Variants in SNX2 observed in about 807,000 individuals in gnomAD.
SNX2 encodes sorting nexin-2.
A neutral mutation model predicts 69.9 loss-of-function variants in SNX2; 25 were observed. The observed-to-expected ratio is 0.36, with a 90% CI of 0.26 to 0.50. The LOEUF is 0.50. Ranked by LOEUF, SNX2 falls within the 20% of genes least tolerant of loss-of-function variation. SNX2 has a pLI of 0.97. For synonymous variants in SNX2, 229 were observed against 200.4 expected (o/e 1.14, Z -1.20); for missense variants, 551 against 613.3 (o/e 0.90, Z 1.07).
chr5:122,813,330 TA>T (rs1753822758), intron 7 of SNX2, among the ~76,000 whole-genome samples: 1 of 152,136 alleles, frequency 6.6e-6, no homozygotes, highest in African/African-American at 2.4e-5. Context: ...ATATATAAAC[TA>T]AAAAATGCAT....
intron 6 of SNX2, among the ~76,000 whole-genome samples, chr5:122,806,133 C>CGT (rs1753641580): frequency 1.9e-5 from 1 of 54,038 alleles, no homozygotes; most frequent in Non-Finnish European, 3.6e-5. Flanking sequence ...TATATATACA[C>CGT]ACGCGCGCGC....
chr5:122,778,975 A>G (rs1752912195), intron 1 of SNX2, among the ~76,000 whole-genome samples: 1 of 152,192 alleles, frequency 6.6e-6, no homozygotes, highest in African/African-American at 2.4e-5. Context: ...CTTCTATGGT[A>G]CCTGAGAGGC....
chr5:122,789,373 T>C (rs1561445601), intron 1 of SNX2, among the ~76,000 whole-genome samples: 1 of 152,024 alleles, frequency 6.6e-6, no homozygotes, highest in African/African-American at 2.4e-5. Context: ...TCTCCAGTTT[T>C]TTCTCTGGGA....
intron 11 of SNX2, among the ~76,000 whole-genome samples, chr5:122,823,994 G>A (rs545785092): frequency 6.6e-6 from 1 of 152,166 alleles, no homozygotes; most frequent in Admixed American, 6.5e-5. Context: ...GAGATCAGGA[G>A]ATCGAGACCA....
At position 122,799,784 on chromosome 5, in the gene SNX2, A is replaced by G. The variant is rs1753468956; in HGVS notation, c.319A>G (p.Thr107Ala). 6.2e-7 allele frequency: 1 copy of G among 1,613,482 alleles called. No individual in the cohort carries two copies. The highest frequency in any genetic ancestry group is 2.2e-5 in the East Asian group (1 of 44,876). ...TGCAGTCACACCTGTCACTCCTACT[A>G]CACTCATTGCTCCTAGAATTGAATC... is the stretch of plus-strand genomic sequence containing the variant. The part of the protein sequence containing the change: ...SPAVTPVTPT[T>A]LIAPRIESKS... The change falls in exon 3 of 15, where the codon ACA (threonine) becomes GCA (alanine). Residue 107 changes from threonine to alanine, a missense_variant. Thr to Ala is a moderately conservative substitution (Grantham distance 58). Coordinates refer to ENST00000379516, the MANE Select transcript of SNX2 (RefSeq NM_003100.4).
chr5:122,775,102 A>G lies in SNX2; in HGVS notation c.-2A>G. ...CTCGCGCAGTCGTTCGGGTGAGCGA[A>G]GATGGCGGCCGAGAGGGAACCTCCT... On this transcript the variant is annotated 5_prime_UTR_variant, in exon 1 of 15. Coordinates refer to ENST00000379516, the MANE Select transcript of SNX2 (RefSeq NM_003100.4). The G allele has an allele frequency of 1.3e-6, 2 of 1,583,756 alleles. No homozygotes were observed. The highest frequency in any genetic ancestry group is 1.9e-5 in the Admixed American group (1 of 53,438).
intron 7 of SNX2, among the ~76,000 whole-genome samples, chr5:122,814,185 G>A (rs1440283932): frequency 6.6e-6 from 1 of 152,160 alleles, no homozygotes; most frequent in Non-Finnish European, 1.5e-5. Flanking sequence ...AGCAACTTAT[G>A]CAAACTGCCT....
intron 11 of SNX2, 39 bp from the exon 12 acceptor site, chr5:122,826,011 G>A (rs780179310): frequency 2.5e-6 from 4 of 1,574,668 alleles, no homozygotes; most frequent in East Asian, 4.5e-5. Flanking sequence ...TATTTTAAAT[G>A]TTACTCTTAC....
chr5:122,807,631 AAG>A (rs1228249687), intron 6 of SNX2, among the ~76,000 whole-genome samples: 1 of 152,242 alleles, frequency 6.6e-6, no homozygotes, highest in Non-Finnish European at 1.5e-5. Flanking sequence ...AGGAGAATAA[AAG>A]AGAAAAATCT....
chr5:122,793,641 G>A (rs1293823344), intron 1 of SNX2, among the ~76,000 whole-genome samples: 1 of 152,212 alleles, frequency 6.6e-6, no homozygotes, highest in East Asian at 1.9e-4. Context: ...CAGGCACAGT[G>A]GCTCACGCCT....
intron 1 of SNX2, among the ~76,000 whole-genome samples, chr5:122,781,609 A>G (rs1010364931): frequency 1.2e-4 from 19 of 152,264 alleles, no homozygotes; most frequent in Admixed American, 9.8e-4. Flanking sequence ...TGGCTGTACC[A>G]TTTTGCATTG....
At chr5:122,784,084 T>A (rs2150000927) in intron 1 of SNX2, among the ~76,000 whole-genome samples, 1 of 152,142 alleles carries the variant, frequency 6.6e-6, no homozygotes, top group East Asian at 1.9e-4. Context: ...ATGTTGACCC[T>A]GTATGATAGC....
chr5:122,806,337 T>C (rs569093304), intron 6 of SNX2, among the ~76,000 whole-genome samples: 2 of 152,174 alleles, frequency 1.3e-5, no homozygotes, highest in South Asian at 4.2e-4. Context: ...GGGTGACAAA[T>C]TAATCTTTGA....
chr5:122,805,174 C>T (rs1260885568), intron 6 of SNX2, among the ~76,000 whole-genome samples: 2 of 151,612 alleles, frequency 1.3e-5, no homozygotes, highest in Non-Finnish European at 2.9e-5. Context: ...GCCTGTAATC[C>T]CAGCTACTTG....
intron 6 of SNX2, among the ~76,000 whole-genome samples, chr5:122,805,505 A>G (rs74381661): frequency 0.015 from 2,263 of 152,132 alleles, 21 homozygotes; most frequent in Non-Finnish European, 0.019. Context: ...TACCCTTTAC[A>G]GTTTCAGAAC....
At chr5:122,805,290 C>CAG (rs1753614280) in intron 6 of SNX2, among the ~76,000 whole-genome samples, 1 of 88,280 alleles carries the variant, frequency 1.1e-5, no homozygotes, top group African/African-American at 4.3e-5. Flanking sequence ...GACTCCATCT[C>CAG]AAAAAAAAAA....
Position 122,779,228 on chromosome 5 carries a change from A to T in SNX2, c.108+4017A>T, listed in dbSNP as rs145331844. Among the ~76,000 whole-genome samples, 414 of 152,298 alleles carry T rather than the reference A, an allele frequency of 2.7e-3. 2 individuals carry two copies. The highest frequency in any genetic ancestry group is 9.6e-3 in the African/African-American group (398 of 41,558). ...CAATTTAATGGTTTCTAGTGTATTC[A>T]CAGATATGCCCAACATCACCTCAGT... On this transcript the variant is annotated intron_variant, in intron 1 of 14. Coordinates refer to ENST00000379516, the MANE Select transcript of SNX2 (RefSeq NM_003100.4).
chr5:122,822,133 C>T (rs1253835662), intron 11 of SNX2, among the ~76,000 whole-genome samples: 5 of 152,086 alleles, frequency 3.3e-5, no homozygotes, highest in Non-Finnish European at 2.9e-5. Context: ...CTTGCTTTGT[C>T]GCCAGGCTAG....
At chr5:122,812,388 T>TAC (rs1554063613) in intron 7 of SNX2, among the ~76,000 whole-genome samples, 5 of 151,912 alleles carry the variant, frequency 3.3e-5, no homozygotes, top group African/African-American at 9.7e-5. Flanking sequence ...TTTCCTACCT[T>TAC]AGTCTTTTCA....
Sources: gnomAD v4.1 joint callset for allele counts (sites outside exome capture counted in the v4.1 genomes callset) on GRCh38, gnomAD v4.1.1 for gene constraint, MANE v1.5 for transcripts, NCBI Gene and HGNC (gene_info 2026-07-23, HGNC 2026-07-21) for gene names.